Variants in RPS6KC1 observed in about 807,000 individuals in gnomAD.
RPS6KC1 encodes the protein inactive ribosomal protein S6 kinase delta-1.
A neutral mutation model predicts 103.8 loss-of-function variants in RPS6KC1; 54 were observed. That is an observed-to-expected ratio of 0.52 (90% CI 0.42 to 0.65). The LOEUF is 0.65. Ranked by LOEUF, RPS6KC1 falls within the 30% of genes least tolerant of loss-of-function variation. RPS6KC1 has a pLI of 0.00. For missense variants in RPS6KC1, 1,151 were observed against 1,253.8 expected, an observed-to-expected ratio of 0.92 and a Z score of 1.24; for synonymous variants, 439 against 438.7, an observed-to-expected ratio of 1.00 and a Z score of -0.01.
chr1:213,348,269 C>A, the RPS6KC1 span, among the ~76,000 whole-genome samples: 1 of 152,164 alleles, frequency 6.6e-6, no homozygotes, highest in Non-Finnish European at 1.5e-5. Flanking sequence ...CAGCCTATGG[C>A]TACTTGCACC....
At chr1:213,825,844 A>G in the RPS6KC1 span, among the ~76,000 whole-genome samples, 1 of 152,224 alleles carries the variant, frequency 6.6e-6, no homozygotes, top group Non-Finnish European at 1.5e-5. Flanking sequence ...TCATCATGGA[A>G]TGATTGCTAG....
chr1:213,409,988 G>A, the RPS6KC1 span, among the ~76,000 whole-genome samples: 1 of 152,138 alleles, frequency 6.6e-6, no homozygotes. Context: ...CACAGTGAGA[G>A]CCCCGTCTCT....
chr1:213,602,090 T>TTCTTTCTTTCTTTCTTTC, the RPS6KC1 span, among the ~76,000 whole-genome samples: 1 of 37,536 alleles, frequency 2.7e-5, no homozygotes, highest in African/African-American at 1.4e-4. Context: ...CTTTCTTTCT[T>TTCTTTCTTTCTTTCTTTC]TCTTTCTTTC....
intron 1 of RPS6KC1, among the ~76,000 whole-genome samples, chr1:213,061,607 A>C (rs1196346459): frequency 7.1e-6 from 1 of 141,024 alleles, no homozygotes; most frequent in Non-Finnish European, 1.6e-5. Context: ...TTTTTTTTGT[A>C]TGTATGAAGT....
the RPS6KC1 span, among the ~76,000 whole-genome samples, chr1:213,518,871 A>G: frequency 6.6e-6 from 1 of 152,124 alleles, no homozygotes; most frequent in Non-Finnish European, 1.5e-5. Flanking sequence ...TAGAATGGGG[A>G]TGAGTTTATT....
At chr1:213,772,023 T>G in the RPS6KC1 span, among the ~76,000 whole-genome samples, 1 of 152,314 alleles carries the variant, frequency 6.6e-6, no homozygotes, top group East Asian at 1.9e-4. Context: ...TTATAGTACT[T>G]CTTTGTGGTT....
At chr1:213,500,092 T>G in the RPS6KC1 span, among the ~76,000 whole-genome samples, 22 of 152,342 alleles carry the variant, frequency 1.4e-4, no homozygotes, top group East Asian at 3.9e-3. Flanking sequence ...TACTGTAACT[T>G]TTCAAAACTT....
chr1:213,551,837 T>G, the RPS6KC1 span, among the ~76,000 whole-genome samples: 1 of 152,340 alleles, frequency 6.6e-6, no homozygotes, highest in South Asian at 2.1e-4. Context: ...TGCTCAAAAA[T>G]TCCTCTGTGC....
chr1:213,746,180 G>A, the RPS6KC1 span, among the ~76,000 whole-genome samples: 2 of 152,174 alleles, frequency 1.3e-5, no homozygotes, highest in Non-Finnish European at 2.9e-5. Flanking sequence ...ATCAGGTGAT[G>A]ACTACTATGG....
chr1:213,239,417 G>A (rs750398454), intron 10 of RPS6KC1, among the ~76,000 whole-genome samples: 15 of 152,106 alleles, frequency 9.9e-5, no homozygotes, highest in Middle Eastern at 3.2e-3. Flanking sequence ...AGAATCCTAG[G>A]ATTAATATTA....
At chr1:213,838,004 C>A in the RPS6KC1 span, among the ~76,000 whole-genome samples, 1 of 152,094 alleles carries the variant, frequency 6.6e-6, no homozygotes, top group African/African-American at 2.4e-5. Flanking sequence ...CTATCATTTT[C>A]TTTACACCTT....
the RPS6KC1 span, among the ~76,000 whole-genome samples, chr1:213,747,593 C>T: frequency 2.6e-4 from 40 of 152,154 alleles, no homozygotes; most frequent in Admixed American, 2.6e-3. Flanking sequence ...AATCAACTAA[C>T]CAATATATGG....
chr1:213,486,399 C>T, the RPS6KC1 span, among the ~76,000 whole-genome samples: 45 of 152,004 alleles, frequency 3.0e-4, 1 homozygote, highest in African/African-American at 9.9e-4. Context: ...TTTAATTTGG[C>T]TTGATTTTAT....
At chr1:213,583,926 G>A in the RPS6KC1 span, among the ~76,000 whole-genome samples, 1 of 152,004 alleles carries the variant, frequency 6.6e-6, no homozygotes, top group East Asian at 1.9e-4. Flanking sequence ...CTGGAGTGAA[G>A]CTTCGGAATT....
At chr1:213,674,625 G>A in the RPS6KC1 span, among the ~76,000 whole-genome samples, 27,022 of 152,088 alleles carry the variant, frequency 0.18, 2,563 homozygotes, top group African/African-American at 0.21. Flanking sequence ...GTGTCTTTTT[G>A]GTAGAACAGT....
At chr1:213,514,783 T>C in the RPS6KC1 span, among the ~76,000 whole-genome samples, 17 of 152,350 alleles carry the variant, frequency 1.1e-4, 2 homozygotes, top group South Asian at 3.3e-3. Context: ...TTTGTAATTC[T>C]AGATCCCTGA....
intron 1 of RPS6KC1, among the ~76,000 whole-genome samples, chr1:213,062,999 C>T (rs1289626905): frequency 6.6e-6 from 1 of 152,220 alleles, no homozygotes; most frequent in Non-Finnish European, 1.5e-5. Context: ...TAGGCCAAGC[C>T]TCACAGTCTG....
At chr1:213,459,988 GTGTTT>G in the RPS6KC1 span, among the ~76,000 whole-genome samples, 5 of 152,168 alleles carry the variant, frequency 3.3e-5, no homozygotes, top group African/African-American at 1.2e-4. Flanking sequence ...TTGCTAGGGA[GTGTTT>G]TACTTCCAAT....
intron 5 of RPS6KC1, 97 bp downstream of exon 5, chr1:213,117,507 T>C (rs1015197540): frequency 3.1e-6 from 2 of 650,774 alleles, no homozygotes; most frequent in Non-Finnish European, 5.3e-6. Context: ...TATAGGAATT[T>C]GAGGGTATTT....
Sources: gnomAD v4.1 joint callset for allele counts (sites outside exome capture counted in the v4.1 genomes callset) on GRCh38, gnomAD v4.1.1 for gene constraint, MANE v1.5 for transcripts, NCBI Gene and HGNC (gene_info 2026-07-23, HGNC 2026-07-21) for gene names.